Variants in DMXL1 observed in about 807,000 individuals in gnomAD.
DMXL1 encodes dmX-like protein 1.
Under a neutral mutation model 319.2 loss-of-function variants are expected in DMXL1, and 99 were observed. That is an observed-to-expected ratio of 0.31 (90% confidence interval 0.26 to 0.37). The LOEUF is 0.37. Among genes scored for constraint, DMXL1 ranks in the 10% least tolerant of loss-of-function variants. The probability of loss-of-function intolerance (pLI) is 1.00; values close to 1 mark genes in which losing one functional copy is unlikely to be tolerated. For synonymous variants in DMXL1, 1,385 were observed against 1,235.2 expected, an observed-to-expected ratio of 1.12 and a Z score of -2.54; for missense variants, 3,745 against 3,595.6, an observed-to-expected ratio of 1.04 and a Z score of -1.06.
chr5:119,237,297 C>G, intron 39 of DMXL1, 25 bp from the exon 40 acceptor site: 1 of 1,369,910 alleles, frequency 7.3e-7, no homozygotes, highest in Non-Finnish European at 1.0e-6. Flanking sequence ...ATATTAAATA[C>G]TTTTAAATAT....
chr5:119,166,243 G>C (rs909712968), intron 21 of DMXL1, among the ~76,000 whole-genome samples: 2 of 152,110 alleles, frequency 1.3e-5, no homozygotes, highest in African/African-American at 4.8e-5. Flanking sequence ...TTGATTCAAG[G>C]CACATTCTTT....
intron 34 of DMXL1, among the ~76,000 whole-genome samples, 186 bp downstream of exon 34, chr5:119,207,082 A>G (rs977460357): frequency 1.3e-5 from 2 of 152,320 alleles, no homozygotes; most frequent in South Asian, 2.1e-4. Context: ...GTTTTGTTAG[A>G]TAAGAGAATG....
chr5:119,247,672 G>A lies in DMXL1; in HGVS notation c.*453G>A, dbSNP rs1007904560. ...CTCTTAATTAATGATAGGTATTTGA[G>A]TAAGAATGAAAAAAATAATGAACAT... On this transcript the variant is annotated 3_prime_UTR_variant, in exon 44 of 44. Coordinates refer to ENST00000539542, the MANE Select transcript of DMXL1 (RefSeq NM_001290321.3). 3.9e-5 allele frequency: 6 copies of A among 152,426 alleles called. No homozygotes were observed. The highest frequency in any genetic ancestry group is 1.4e-4 in the African/African-American group (6 of 41,392). 9.4% of individuals were successfully genotyped at this position (152,426 alleles called of 1,614,324 possible).
rs113824668 is a variant in DMXL1, at chr5:119,173,746, A to G, written c.6682-1515A>G. Reference sequence around the variant, plus strand: ...TATATATATATGTGTGTATATATATATGTGTGTGTATATATATATATGTGT... The same window carrying G: ...TATATATATATGTGTGTATATATATGTGTGTGTGTATATATATATATGTGT... On this transcript the variant is annotated intron_variant, in intron 25 of 43. Coordinates refer to ENST00000539542, the MANE Select transcript of DMXL1 (RefSeq NM_001290321.3). 7.4e-3 allele frequency among the ~76,000 whole-genome samples: 488 copies of G among 65,638 alleles called. 9 individuals carry two copies. In the East Asian group the frequency reaches 0.15, roughly 20 times the overall value. 43.1% of individuals were successfully genotyped at this position (65,638 alleles called of 152,430 possible).
At chr5:119,173,351 CAAA>C (rs1251810129) in intron 25 of DMXL1, among the ~76,000 whole-genome samples, 4 of 76,730 alleles carry the variant, frequency 5.2e-5, no homozygotes, top group African/African-American at 4.0e-5. Context: ...CACCCCCCGC[CAAA>C]AAAAAAAAAA....
intron 1 of DMXL1, among the ~76,000 whole-genome samples, chr5:119,077,490 T>G (rs960585392): frequency 1.4e-5 from 2 of 143,568 alleles, no homozygotes; most frequent in African/African-American, 2.6e-5. Flanking sequence ...TTTTTTTTTT[T>G]TTTTTTTTTT....
intron 10 of DMXL1, among the ~76,000 whole-genome samples, chr5:119,132,447 G>A (rs529272019): frequency 3.3e-5 from 5 of 152,130 alleles, no homozygotes; most frequent in Non-Finnish European, 7.4e-5. Flanking sequence ...TTGGGAGGCC[G>A]AGGCAGGTGG....
chr5:119,216,995 C>T lies in DMXL1; in HGVS notation c.8013+8C>T, dbSNP rs762997508. ...GCGTTTGCTGTTAATAAGGTAAGTACATAGACATTCTTCTTTTGTTTATTA... is the reference window on the plus strand; with the variant it reads ...GCGTTTGCTGTTAATAAGGTAAGTATATAGACATTCTTCTTTTGTTTATTA... On this transcript the variant is annotated splice_region_variant and intron_variant, in intron 35 of 43. Coordinates refer to ENST00000539542, the MANE Select transcript of DMXL1 (RefSeq NM_001290321.3). 7.8e-6 allele frequency: 11 copies of T among 1,416,280 alleles called. No homozygotes were observed. The East Asian group carries it at 2.2e-4, about 29-fold the overall frequency. The allele number at this position is 1,416,280 out of a possible 1,614,324, so 87.7% of individuals were successfully genotyped here.
In DMXL1 at chr5:119,071,358, C is replaced by G. The variant is rs528165982; in HGVS notation, c.-212C>G. ...GCGAAGGAGCGCGGCGCTCCGCCCT[C>G]TCGCCGACCCGCCCCCTCCGGGCCT... On this transcript the variant is annotated 5_prime_UTR_variant, in exon 1 of 44. Coordinates refer to ENST00000539542, the MANE Select transcript of DMXL1 (RefSeq NM_001290321.3). The G allele has an allele frequency of 1.8e-6, 1 of 550,042 alleles. No homozygotes were observed. The highest frequency in any genetic ancestry group is 2.1e-5 in the South Asian group (1 of 46,944). The allele number at this position is 550,042 out of a possible 1,614,324, so 34.1% of individuals were successfully genotyped here.
intron 1 of DMXL1, among the ~76,000 whole-genome samples, chr5:119,095,214 C>T (rs191792827): frequency 1.3e-5 from 2 of 152,244 alleles, no homozygotes; most frequent in East Asian, 1.9e-4. Context: ...GCTTTGTTAA[C>T]TTCTAGTACC....
chr5:119,111,589 C>G (rs1458428472), intron 5 of DMXL1, among the ~76,000 whole-genome samples: 1 of 152,014 alleles, frequency 6.6e-6, no homozygotes, highest in Non-Finnish European at 1.5e-5. Context: ...GACACCCAAA[C>G]TGGAAATGGA....
chr5:119,133,851 T>G lies in DMXL1; in HGVS notation c.1927T>G (p.Leu643Val), dbSNP rs1209406289. ...YCGHRFHLND[L>V]ACHSVLPLLL... ...TGGTCATCGTTTTCATCTTAATGAT[T>G]TAGCTTGCCACTCAGTATTACCATT... Residue 643 changes from leucine to valine, a missense_variant, in exon 12 of 44, where the codon TTA becomes GTA. Leu to Val is a conservative substitution (Grantham distance 32). Coordinates refer to ENST00000539542, the MANE Select transcript of DMXL1 (RefSeq NM_001290321.3). The G allele has an allele frequency of 6.2e-7, 1 of 1,614,190 alleles. No homozygotes were observed. The highest frequency in any genetic ancestry group is 1.3e-5 in the African/African-American group (1 of 75,060).
chr5:119,245,040 A>G, intron 43 of DMXL1, among the ~76,000 whole-genome samples: 1 of 152,192 alleles, frequency 6.6e-6, no homozygotes, highest in East Asian at 1.9e-4. Flanking sequence ...TTGTGTTGAA[A>G]ACTTAAGACA....
At chr5:119,117,788 A>T (rs1761164811) in intron 7 of DMXL1, among the ~76,000 whole-genome samples, 1 of 152,122 alleles carries the variant, frequency 6.6e-6, no homozygotes, top group Non-Finnish European at 1.5e-5. Context: ...AACCAATACA[A>T]ATTATGCTGT....
intron 25 of DMXL1, among the ~76,000 whole-genome samples, chr5:119,173,537 T>C (rs1252010602): frequency 6.6e-6 from 1 of 151,490 alleles, no homozygotes; most frequent in Non-Finnish European, 1.5e-5. Flanking sequence ...TAAGAAGGCA[T>C]CATTTACATT....
chr5:119,233,005 C>T (rs1787065004), intron 38 of DMXL1, among the ~76,000 whole-genome samples: 1 of 150,848 alleles, frequency 6.6e-6, no homozygotes, highest in Admixed American at 6.6e-5. Context: ...TTGATTCTAA[C>T]CTAAGAATTT....
At position 119,071,657 on chromosome 5, in the gene DMXL1, G is replaced by T; in HGVS notation, c.87+1G>T. The T allele has an allele frequency of 6.3e-7, 1 of 1,583,202 alleles. No homozygotes were observed. Among genetic ancestry groups the T allele is most frequent in the Non-Finnish European group, 8.6e-7 (1 of 1,165,054 alleles). On this transcript the variant is annotated splice_donor_variant, in intron 1 of 43. Coordinates refer to ENST00000539542, the MANE Select transcript of DMXL1 (RefSeq NM_001290321.3). LOFTEE classifies it high-confidence loss of function. ...CAGCATTGGCGACCAGCGCTTCACG[G>T]TGAGTGAGGGAGGCCCTCGCGTCGC...
In DMXL1 at chr5:119,240,401, C is replaced by CTTTT; in HGVS notation, c.8652-8_8652-5dup. The CTTTT allele has an allele frequency of 4.0e-6, 5 of 1,252,680 alleles. No individual in the cohort carries two copies. The highest frequency in any genetic ancestry group is 4.1e-5 in the Admixed American group (2 of 48,924). The allele number at this position is 1,252,680 out of a possible 1,614,324, so 77.6% of individuals were successfully genotyped here. On this transcript the variant is annotated splice_polypyrimidine_tract_variant and intron_variant, in intron 41 of 43. Transcript: ENST00000539542. ...AGCTTTTGTGTCACTCAGAAGTAAT[C>CTTTT]TTTTTTTTTTTTTCCAGAAACGTAT... is the stretch of plus-strand genomic sequence containing the variant.
chr5:119,159,581 A>C (rs528306205), intron 19 of DMXL1, among the ~76,000 whole-genome samples: 4 of 152,210 alleles, frequency 2.6e-5, no homozygotes, highest in African/African-American at 4.8e-5. Flanking sequence ...TTGTGGTATC[A>C]GTTGTAGTGT....
Sources: allele counts gnomAD v4.1 joint callset (sites outside exome capture counted in the v4.1 genomes callset), GRCh38; gene constraint gnomAD v4.1.1; transcripts MANE v1.5; gene names NCBI Gene and HGNC (gene_info 2026-07-23, HGNC 2026-07-21).